MON2: variants seen among roughly 807,000 people sequenced by gnomAD.
MON2 encodes the protein protein MON2 homolog.
MON2 carries 84 observed loss-of-function variants against 208.6 expected under a neutral mutation model. That is an observed-to-expected ratio of 0.40 (90% CI 0.34 to 0.48). The LOEUF (loss-of-function observed/expected upper bound fraction) is 0.48. Ranked by LOEUF, MON2 falls within the 20% of genes least tolerant of loss-of-function variation. The pLI, the probability that MON2 is intolerant of heterozygous loss-of-function variation, is 0.59. For synonymous variants in MON2, 660 were observed against 694.0 expected (o/e 0.95, Z 0.77); for missense variants, 1,611 against 2,015.4 (o/e 0.80, Z 3.84).
chr12:62,536,759 G>A (rs2072995081), intron 14 of MON2, among the ~76,000 whole-genome samples: 1 of 151,186 alleles, frequency 6.6e-6, no homozygotes, highest in East Asian at 1.9e-4. Flanking sequence ...CCAGATCTTG[G>A]CTCACTGCAA....
rs1389480338 is a variant in MON2 at position 62,596,875 on chromosome 12, A to G, written c.*4126A>G. 1 of 152,208 alleles carries G rather than the reference A, an allele frequency of 6.6e-6. No homozygotes were observed. Among genetic ancestry groups the G allele is most frequent in the Non-Finnish European group, 1.5e-5 (1 of 68,026 alleles). 9.4% of individuals were successfully genotyped at this position (152,208 alleles called of 1,614,324 possible). Reference sequence around the variant, plus strand: ...GGAAGTTAAATGTCTTACAAATCCAATACTTTCTAATGCTCTAACAGTGTT... The same window carrying G: ...GGAAGTTAAATGTCTTACAAATCCAGTACTTTCTAATGCTCTAACAGTGTT... On this transcript the variant is annotated 3_prime_UTR_variant, in exon 35 of 35. Coordinates refer to ENST00000393630, the MANE Select transcript of MON2 (RefSeq NM_015026.3).
chr12:62,505,462 G>A (rs2136100319), intron 7 of MON2, among the ~76,000 whole-genome samples: 1 of 152,216 alleles, frequency 6.6e-6, no homozygotes, highest in African/African-American at 2.4e-5. Context: ...TTGAAGATGA[G>A]CATATACAAG....
At chr12:62,556,277 C>A in intron 25 of MON2, 85 bp downstream of exon 25, 1 of 1,266,328 alleles carries the variant, frequency 7.9e-7, no homozygotes, top group Non-Finnish European at 1.1e-6. Flanking sequence ...TAGAGTCTAT[C>A]TTAACTTAGT....
At chr12:62,587,990 TA>T in intron 33 of MON2, 83 bp from the exon 34 acceptor site, 3 of 804,482 alleles carry the variant, frequency 3.7e-6, no homozygotes, top group Non-Finnish European at 6.2e-6. Context: ...AAAGTTCATC[TA>T]TTTGTACAAA....
intron 24 of MON2, 90 bp from the exon 25 acceptor site, chr12:62,555,904 C>G (rs566833613): frequency 6.3e-5 from 60 of 958,928 alleles, no homozygotes; most frequent in Non-Finnish European, 9.3e-5. Context: ...TTTTTTGTAA[C>G]AATTTGTAGA....
At chr12:62,554,531 G>C (rs915755808) in intron 24 of MON2, among the ~76,000 whole-genome samples, 1 of 152,070 alleles carries the variant, frequency 6.6e-6, no homozygotes, top group Admixed American at 6.5e-5. Flanking sequence ...GTCTTGCTCT[G>C]TCACCCAGGC....
In MON2 at chr12:62,556,104, C is replaced by T. The variant is rs762278340; in HGVS notation, c.3321C>T (p.Ala1107=). 21 of 1,613,778 alleles carry T rather than the reference C, an allele frequency of 1.3e-5. No homozygotes were observed. In the East Asian group the frequency reaches 2.7e-4, roughly 21 times the overall value. The change falls in exon 25 of 35, where the codon GCC becomes GCT. Residue 1107 remains alanine (A), a synonymous_variant. Coordinates refer to ENST00000393630, the MANE Select transcript of MON2 (RefSeq NM_015026.3). ...TCATTCATCATTCAAGGGACACCGCCGAGAAGCAATGGGCTGAGACGTGGG... is the reference window on the plus strand; with the variant it reads ...TCATTCATCATTCAAGGGACACCGCTGAGAAGCAATGGGCTGAGACGTGGG... ...NILIHHSRDT[A]EKQWAETWVL... is the part of the protein sequence containing the mutation.
At chr12:62,484,567 T>C (rs1198384567) in intron 2 of MON2, among the ~76,000 whole-genome samples, 1 of 152,244 alleles carries the variant, frequency 6.6e-6, no homozygotes, top group Non-Finnish European at 1.5e-5. Flanking sequence ...GTAATATTTG[T>C]TCCATTGTAT....
At chr12:62,501,480 A>G in intron 6 of MON2, 93 bp from the exon 7 acceptor site, 1 of 1,453,068 alleles carries the variant, frequency 6.9e-7, no homozygotes, top group Non-Finnish European at 9.4e-7. Flanking sequence ...GTATTATATA[A>G]GAAGATAGAT....
chr12:62,532,161 T>C (rs780735972), intron 11 of MON2, among the ~76,000 whole-genome samples: 2 of 152,188 alleles, frequency 1.3e-5, no homozygotes, highest in Non-Finnish European at 2.9e-5. Context: ...TAATATCTAA[T>C]ATTTAATGAA....
chr12:62,502,815 G>C (rs889019493), intron 7 of MON2, among the ~76,000 whole-genome samples: 1 of 152,102 alleles, frequency 6.6e-6, no homozygotes, highest in Non-Finnish European at 1.5e-5. Context: ...CCCCTACCAT[G>C]CTTCCTCCCT....
At chr12:62,520,525 G>C (rs1044055983) in intron 8 of MON2, among the ~76,000 whole-genome samples, 7 of 151,944 alleles carry the variant, frequency 4.6e-5, no homozygotes, top group Non-Finnish European at 8.8e-5. Flanking sequence ...TATTCCACAG[G>C]GTAAAAAGAC....
intron 4 of MON2, among the ~76,000 whole-genome samples, chr12:62,497,378 C>T (rs1038081819): frequency 6.6e-6 from 1 of 152,042 alleles, no homozygotes; most frequent in Non-Finnish European, 1.5e-5. Context: ...TCAACAGACA[C>T]TTCATTAAAA....
chr12:62,529,971 A>G (rs1274983901), intron 11 of MON2, among the ~76,000 whole-genome samples: 3 of 152,164 alleles, frequency 2.0e-5, no homozygotes, highest in Non-Finnish European at 4.4e-5. Flanking sequence ...TCAAACATTT[A>G]TCTTTTCTTT....
intron 5 of MON2, among the ~76,000 whole-genome samples, chr12:62,499,693 TGA>T (rs902986556): frequency 2.0e-4 from 30 of 152,090 alleles, no homozygotes; most frequent in Non-Finnish European, 3.2e-4. Context: ...GGCAACACGG[TGA>T]AACCCCGTCT....
At chr12:62,498,338 G>A (rs931256405) in intron 4 of MON2, among the ~76,000 whole-genome samples, 2 of 152,140 alleles carry the variant, frequency 1.3e-5, no homozygotes, top group African/African-American at 2.4e-5. Context: ...ACGGGTAGAG[G>A]AAGAGATGGG....
intron 23 of MON2, among the ~76,000 whole-genome samples, chr12:62,551,386 C>T (rs2073735346): frequency 1.7e-5 from 1 of 58,984 alleles, no homozygotes; most frequent in African/African-American, 8.6e-5. Flanking sequence ...GAGGAAACAA[C>T]CTGACGATGA....
Position 62,535,672 on chromosome 12 carries a change from A to G in MON2, c.1863A>G (p.Val621=), listed in dbSNP as rs751936928. 73 of 1,612,586 alleles carry G rather than the reference A, an allele frequency of 4.5e-5. No homozygotes were observed. The highest frequency in any genetic ancestry group is 6.0e-5 in the Non-Finnish European group (71 of 1,179,548). ...GSLPPHYALT[V]LNTTTAATLS... is the part of the protein sequence containing the mutation. ...TGCCTCCCCATTATGCTCTTACTGT[A>G]TTGAATACCACCACTGCAGCTACAC... The change falls in exon 14 of 35, where the codon GTA becomes GTG. Residue 621 remains valine (V), a synonymous_variant. Transcript: ENST00000393630.
Position 62,592,835 on chromosome 12 carries a change from C to G in MON2, c.*86C>G. Reference sequence around the variant, plus strand: ...TCTTCTGTGAGAAGGACATTTCTTACTGCAGATAATTCTTGGCAGCTGTTG... The same window carrying G: ...TCTTCTGTGAGAAGGACATTTCTTAGTGCAGATAATTCTTGGCAGCTGTTG... On this transcript the variant is annotated 3_prime_UTR_variant, in exon 35 of 35. Coordinates refer to ENST00000393630, the MANE Select transcript of MON2 (RefSeq NM_015026.3). The G allele has an allele frequency of 1.5e-6, 2 of 1,335,108 alleles. No individual in the cohort carries two copies. Among genetic ancestry groups the G allele is most frequent in the Non-Finnish European group, 2.0e-6 (2 of 987,558 alleles). The allele number at this position is 1,335,108 out of a possible 1,614,324, so 82.7% of individuals were successfully genotyped here. A position where few individuals can be genotyped will look rare whatever the true frequency, so the allele number is the denominator to read the frequency against.
Sources: allele counts gnomAD v4.1 joint callset (sites outside exome capture counted in the v4.1 genomes callset), GRCh38; gene constraint gnomAD v4.1.1; transcripts MANE v1.5; gene names NCBI Gene and HGNC (gene_info 2026-07-23, HGNC 2026-07-21).